Variants in TRPM7 observed in about 807,000 individuals in gnomAD.
TRPM7 encodes LTRPC ion channel family member 7.
A neutral mutation model predicts 229.7 loss-of-function variants in TRPM7; 134 were observed. That is an observed-to-expected ratio of 0.58 (90% CI 0.51 to 0.67). The LOEUF is 0.67. TRPM7 is among the 30% of genes least tolerant of loss of function. The pLI is 0.00. For missense variants in TRPM7, 1,901 were observed against 2,210.0 expected (o/e 0.86, Z 2.80); for synonymous variants, 699 against 715.2 (o/e 0.98, Z 0.36).
chr15:50,579,071 G>A (rs1181695532), intron 30 of TRPM7, among the ~76,000 whole-genome samples: 1 of 152,150 alleles, frequency 6.6e-6, no homozygotes, highest in Non-Finnish European at 1.5e-5. Context: ...ACAAAGAACT[G>A]AGAGAAAAGT....
chr15:50,621,157 C>T (rs1198490468), intron 12 of TRPM7, among the ~76,000 whole-genome samples: 1 of 51,828 alleles, frequency 1.9e-5, no homozygotes, highest in African/African-American at 6.2e-5. Flanking sequence ...GACTCCGTCT[C>T]AAAAAAAAAA....
At chr15:50,660,898 C>T (rs997398296) in intron 2 of TRPM7, among the ~76,000 whole-genome samples, 12 of 151,678 alleles carry the variant, frequency 7.9e-5, no homozygotes, top group African/African-American at 2.7e-4. Context: ...GGCTAAAAAT[C>T]GAAAACAACT....
intron 1 of TRPM7, among the ~76,000 whole-genome samples, chr15:50,678,222 A>G (rs1370207611): frequency 6.9e-6 from 1 of 145,388 alleles, no homozygotes; most frequent in African/African-American, 2.5e-5. Flanking sequence ...CCTGGGCAAC[A>G]GAGTGAGACT....
intron 21 of TRPM7, 25 bp downstream of exon 21, chr15:50,604,841 T>C: frequency 6.5e-7 from 1 of 1,529,936 alleles, no homozygotes; most frequent in Non-Finnish European, 8.8e-7. Flanking sequence ...AACCCACGAG[T>C]ATTATCAAAC....
At position 50,564,754 on chromosome 15, in the gene TRPM7, C is replaced by A. The variant is rs141816397; in HGVS notation, c.5468-2946G>T. On this transcript the variant is annotated intron_variant, in intron 38 of 38. Transcript: ENST00000646667. ...CTGTTAATTTTAATCTAAGAAACAG[C>A]CTATATTAAACAATCCAAACATATT... is the stretch of plus-strand genomic sequence containing the variant. 3.9e-5 allele frequency among the ~76,000 whole-genome samples: 6 copies of A among 152,028 alleles called. No individual in the cohort carries two copies. In the East Asian group the frequency reaches 1.2e-3, roughly 29 times the overall value.
intron 1 of TRPM7, among the ~76,000 whole-genome samples, chr15:50,665,397 AAAAAAAAAAAAAATTGATC>A (rs2061855198): frequency 1.3e-5 from 2 of 151,958 alleles, no homozygotes; most frequent in East Asian, 3.9e-4. Flanking sequence ...TCTGTCTAAA[AAAAAAAAAAAAAATTGATC>A]ATGTGCTTGA....
rs2060020961 is a variant in TRPM7 at position 50,609,846 on chromosome 15, C to G, written c.2396G>C (p.Ser799Thr). The G allele has an allele frequency of 1.2e-6, 2 of 1,612,886 alleles. No individual in the cohort carries two copies. The highest frequency in any genetic ancestry group is 2.7e-5 in the African/African-American group (2 of 74,874). The stretch of plus-strand genomic sequence containing the variant: ...TGTTATGTTCTGAAAGTTGTTTTCG[C>G]TGTCATCCATTGTCATCTGATGAGC... ...QDAHQMTMDD[S>T]ENNFQNITEE... Residue 799 changes from serine to threonine, a missense_variant, in exon 18 of 39, where the codon AGC (serine) becomes ACC (threonine). Ser to Thr is a moderately conservative substitution (Grantham distance 58). Around this residue, in one of 8 missense-constraint regions of TRPM7, gnomAD observed 207 missense variants for 241.5 expected, o/e 0.86. Coordinates refer to ENST00000646667, the MANE Select transcript of TRPM7 (RefSeq NM_017672.6).
intron 38 of TRPM7, among the ~76,000 whole-genome samples, chr15:50,565,941 G>A (rs373076543): frequency 6.6e-6 from 1 of 151,194 alleles, no homozygotes; most frequent in African/African-American, 2.4e-5. Flanking sequence ...CTCCTGCCTT[G>A]GCTTACTGAG....
At chr15:50,639,352 C>A (rs2061017239) in intron 6 of TRPM7, 72 bp downstream of exon 6, 6 of 1,236,564 alleles carry the variant, frequency 4.9e-6, no homozygotes, top group Non-Finnish European at 6.5e-6. Flanking sequence ...ATATTTTAAA[C>A]TGGCACTATT....
At chr15:50,608,685 CAT>C (rs1406484932) in intron 19 of TRPM7, among the ~76,000 whole-genome samples, 1 of 152,276 alleles carries the variant, frequency 6.6e-6, no homozygotes, top group East Asian at 1.9e-4. Flanking sequence ...TTAATGGTCA[CAT>C]GTGTGGGTGA....
chr15:50,635,285 T>C (rs1390036340), intron 7 of TRPM7, among the ~76,000 whole-genome samples: 1 of 112,650 alleles, frequency 8.9e-6, no homozygotes, highest in African/African-American at 3.6e-5. Context: ...GCCACTGCAC[T>C]CCAGCCTGGT....
At position 50,620,760 on chromosome 15, in the gene TRPM7, G is replaced by A. The variant is rs181614992; in HGVS notation, c.1441-962C>T. The stretch of plus-strand genomic sequence containing the variant: ...AGCCTGACCAACACGCAGAAACCCC[G>A]TCTCTACTAAAAAAACACAAAATTA... On this transcript the variant is annotated intron_variant, in intron 12 of 38. Coordinates refer to ENST00000646667, the MANE Select transcript of TRPM7 (RefSeq NM_017672.6). Among the ~76,000 whole-genome samples, 21 of 152,070 alleles carry A rather than the reference G, an allele frequency of 1.4e-4. 1 individual carries two copies. The highest frequency in any genetic ancestry group is 8.5e-4 in the Admixed American group (13 of 15,262).
chr15:50,615,350 T>C (rs1043294759), intron 13 of TRPM7, among the ~76,000 whole-genome samples: 3 of 152,076 alleles, frequency 2.0e-5, no homozygotes, highest in African/African-American at 4.8e-5. Flanking sequence ...GGTAATATTA[T>C]AGGTTTTTAT....
chr15:50,581,531 T>C (rs1005785213), intron 29 of TRPM7, among the ~76,000 whole-genome samples: 4 of 151,322 alleles, frequency 2.6e-5, no homozygotes, highest in African/African-American at 9.7e-5. Flanking sequence ...TATATGTATA[T>C]ATACATATAC....
intron 2 of TRPM7, among the ~76,000 whole-genome samples, chr15:50,658,704 C>T (rs1315535459): frequency 6.6e-6 from 1 of 152,136 alleles, no homozygotes; most frequent in African/African-American, 2.4e-5. Flanking sequence ...AACGTTGACT[C>T]TCACACACTA....
intron 7 of TRPM7, 114 bp downstream of exon 7, chr15:50,637,308 G>A (rs2060938434): frequency 1.0e-6 from 1 of 953,756 alleles, no homozygotes; most frequent in Non-Finnish European, 1.5e-6. Context: ...TGTTTCATAT[G>A]TTATCTTGCT....
chr15:50,580,301 T>G (rs763207218), intron 30 of TRPM7, among the ~76,000 whole-genome samples: 12 of 152,286 alleles, frequency 7.9e-5, no homozygotes, highest in African/African-American at 2.6e-4. Flanking sequence ...AGATTTGTCT[T>G]TACCCTTATG....
chr15:50,648,990 A>G lies in TRPM7; in HGVS notation c.123-105T>C, dbSNP rs570384581. On this transcript the variant is annotated intron_variant, in intron 3 of 38. Coordinates refer to ENST00000646667, the MANE Select transcript of TRPM7 (RefSeq NM_017672.6). Reference sequence around the variant, plus strand: ...GACAAATATAAGCTTTAAAATTTTTATATTTTATATAAGTATAAAAATAAG... The same window carrying G: ...GACAAATATAAGCTTTAAAATTTTTGTATTTTATATAAGTATAAAAATAAG... The G allele has an allele frequency of 2.4e-5, 18 of 744,894 alleles. No individual in the cohort carries two copies. The African/African-American group carries it at 3.2e-4, about 13-fold the overall frequency. The allele number at this position is 744,894 out of a possible 1,614,324, so 46.1% of individuals were successfully genotyped here.
At chr15:50,658,541 C>T (rs1232448171) in intron 2 of TRPM7, among the ~76,000 whole-genome samples, 1 of 149,768 alleles carries the variant, frequency 6.7e-6, no homozygotes, top group African/African-American at 2.5e-5. Flanking sequence ...CACTGCACTC[C>T]AGCCTGGGCG....
Sources: allele counts gnomAD v4.1 joint callset (sites outside exome capture counted in the v4.1 genomes callset), GRCh38; gene constraint gnomAD v4.1.1; regional missense constraint gnomAD v4.1.1; transcripts MANE v1.5; gene names NCBI Gene and HGNC (gene_info 2026-07-23, HGNC 2026-07-21).